Variants in CARD10 observed in about 807,000 individuals in gnomAD.
CARD10 encodes the protein caspase recruitment domain-containing protein 10.
A neutral mutation model predicts 114.6 loss-of-function variants in CARD10; 49 were observed. The observed-to-expected ratio is 0.43, with a 90% CI of 0.34 to 0.54. The LOEUF (loss-of-function observed/expected upper bound fraction) is 0.54, where lower values mean the gene tolerates loss of function less well. CARD10 is among the 20% of genes least tolerant of loss of function. The pLI is 0.03. For synonymous variants in CARD10, 602 were observed against 593.2 expected (o/e 1.01, Z -0.21); for missense variants, 1,206 against 1,397.2 (o/e 0.86, Z 2.18).
In CARD10 at chr22:37,494,155, C is replaced by T; in HGVS notation, c.2407G>A (p.Val803Met). Residue 803 changes from valine to methionine, a missense_variant, in exon 16 of 20, where the codon GTG becomes ATG. By Grantham distance (21) the Val-to-Met change is conservative. Coordinates refer to ENST00000251973, the MANE Select transcript of CARD10 (RefSeq NM_014550.4). ...GGCGCCCCCACGGGCTTGGGCCTCA[C>T]CAGCCGCAGCTGGTCCAGGGCTCTC... The part of the protein sequence containing the change: ...KKRALDQLRL[V>M]RPKPVGAPAG... 1.3e-6 allele frequency: 2 copies of T among 1,557,072 alleles called. No individual in the cohort carries two copies. Among genetic ancestry groups the T allele is most frequent in the Non-Finnish European group, 1.7e-6 (2 of 1,150,540 alleles).
chr22:37,495,167 C>T (rs374285766), intron 15 of CARD10, among the ~76,000 whole-genome samples: 1 of 152,136 alleles, frequency 6.6e-6, no homozygotes, highest in South Asian at 2.1e-4. Flanking sequence ...GGGGTTTCAC[C>T]GTGTTAGCCA....
At position 37,509,624 on chromosome 22, in the gene CARD10, G is replaced by GACCCTCCT. The variant is rs1479722510; in HGVS notation, c.909+587_909+588insAGGAGGGT. ...AGCCCTGGCCCTAGTACCTGCTGCA[G>GACCCTCCT]GCCCTCCTGACCTCCCCGCAGCCTG... On this transcript the variant is annotated intron_variant, in intron 4 of 19. Coordinates refer to ENST00000251973, the MANE Select transcript of CARD10 (RefSeq NM_014550.4). 6.0e-5 allele frequency among the ~76,000 whole-genome samples: 9 copies of GACCCTCCT among 149,102 alleles called. No individual in the cohort carries two copies. The South Asian group carries it at 6.3e-4, about 10-fold the overall frequency.
At position 37,510,417 on chromosome 22, in the gene CARD10, T is replaced by TC. The variant is rs778964746; in HGVS notation, c.703dup (p.Asp235GlyfsTer48). 11 of 1,613,410 alleles carry TC rather than the reference T, an allele frequency of 6.8e-6. No individual in the cohort carries two copies. Among genetic ancestry groups the TC allele is most frequent in the African/African-American group, 1.3e-5 (1 of 74,910 alleles). On this transcript the variant is annotated frameshift_variant, in exon 4 of 20. Coordinates refer to ENST00000251973, the MANE Select transcript of CARD10 (RefSeq NM_014550.4). LOFTEE classifies it high-confidence loss of function. ...CCGACTCACTTTGAGCTTGAGCTGATCCACCTGGAGCCCAAGACATGGGTC... is the reference window on the plus strand; with the variant it reads ...CCGACTCACTTTGAGCTTGAGCTGATCCCACCTGGAGCCCAAGACATGGGTC...
Position 37,496,465 on chromosome 22 carries a change from G to T in CARD10, c.2043C>A (p.Ser681=). 6.2e-7 allele frequency: 1 copy of T among 1,612,988 alleles called. No individual in the cohort carries two copies. The stretch of plus-strand genomic sequence containing the variant: ...CAGACTTACCCTTCGAGTCCATCAG[G>T]GAGGGGAGTGTGGACCCCTGATTCC... ...LLWNQGSTLP[S]LMDSKACQSF... is the part of the protein sequence containing the mutation. The change falls in exon 13 of 20, where the codon TCC becomes TCA. Residue 681 remains serine (S), a synonymous_variant. Transcript: ENST00000251973. This position sits in a 1 kb window ranked among gnomAD's most constrained non-coding sequence, Gnocchi z 4.1.
At position 37,491,411 on chromosome 22, in the gene CARD10, A is replaced by G; in HGVS notation, c.2865-18T>C. On this transcript the variant is annotated intron_variant, in intron 19 of 19. Coordinates refer to ENST00000251973, the MANE Select transcript of CARD10 (RefSeq NM_014550.4). ...GCAGACCCCTGCCGAGAGAAGAGTG[A>G]GCAGCGGTCAAAGTGGGGGACCAAG... The G allele has an allele frequency of 6.9e-7, 1 of 1,452,706 alleles. No homozygotes were observed. The highest frequency in any genetic ancestry group is 9.1e-7 in the Non-Finnish European group (1 of 1,101,652). 90.0% of individuals were successfully genotyped at this position (1,452,706 alleles called of 1,614,324 possible). A position where few individuals can be genotyped will look rare whatever the true frequency, so the allele number is the denominator to read the frequency against.
chr22:37,492,738 G>A lies in CARD10; in HGVS notation c.2541C>T (p.Pro847=), dbSNP rs372431956. Residue 847 remains proline (P), a synonymous_variant, in exon 17 of 20, where the codon CCC becomes CCT. Transcript: ENST00000251973. The surrounding 1 kb of genome is among the most constrained non-coding windows in gnomAD (Gnocchi z 5.7). ...CCAGGCACTCAGGCAACAGCACCAC[G>A]GGCCGCAGGGCAGACACCAGTAGCG... is the stretch of plus-strand genomic sequence containing the variant. ...VRPLLVSALR[P]VVLLPECLAP... is the part of the protein sequence containing the mutation. 2.8e-5 allele frequency: 45 copies of A among 1,612,898 alleles called. 1 individual carries two copies. The Middle Eastern group carries it at 4.9e-4, about 18-fold the overall frequency.
At chr22:37,518,897 C>T (rs1264445695) in intron 1 of CARD10, 69 bp downstream of exon 1, 6 of 1,448,484 alleles carry the variant, frequency 4.1e-6, no homozygotes, top group Non-Finnish European at 4.6e-6. Flanking sequence ...TCGCGCTACA[C>T]GGCTGTGGGC....
Position 37,496,145 on chromosome 22 carries a change from T to A in CARD10, c.2060-142A>T. ...CGACCTTCACCTTCTTAGAATGACTTAGGTCCAGAGGGGGCAGGGACTTGC... is the reference window on the plus strand; with the variant it reads ...CGACCTTCACCTTCTTAGAATGACTAAGGTCCAGAGGGGGCAGGGACTTGC... On this transcript the variant is annotated intron_variant, in intron 13 of 19. Transcript: ENST00000251973. The surrounding 1 kb of genome is among the most constrained non-coding windows in gnomAD (Gnocchi z 4.1). 1 of 1,128,700 alleles carries A rather than the reference T, an allele frequency of 8.9e-7. No homozygotes were observed. Among genetic ancestry groups the A allele is most frequent in the Non-Finnish European group, 1.2e-6 (1 of 810,002 alleles). The allele number at this position is 1,128,700 out of a possible 1,614,324, so 69.9% of individuals were successfully genotyped here.
intron 3 of CARD10, among the ~76,000 whole-genome samples, chr22:37,513,267 C>G (rs111775049): frequency 3.9e-5 from 6 of 151,962 alleles, no homozygotes; most frequent in Admixed American, 3.9e-4. Context: ...CATGCCACCA[C>G]GCCCGGCTAA....
Position 37,507,897 on chromosome 22 carries a change from C to G in CARD10, c.1123G>C (p.Asp375His), listed in dbSNP as rs1263599676. ...LKHRTLQKDC[D>H]LYKHRMATVL... ...GTGGCCATGCGGTGCTTGTACAGGT[C>G]ACAGTCCTTCTGCAGCGTGCGGTGC... Residue 375 changes from aspartate (D) to histidine (H), a missense_variant, in exon 6 of 20, where the codon GAC (aspartate) becomes CAC (histidine). This residue lies in a region of CARD10 where 1,068 missense variants were observed against 1,179.1 expected (regional missense o/e 0.91). Coordinates refer to ENST00000251973, the MANE Select transcript of CARD10 (RefSeq NM_014550.4). The G allele has an allele frequency of 6.2e-7, 1 of 1,614,156 alleles. No individual in the cohort carries two copies. The highest frequency in any genetic ancestry group is 1.3e-5 in the African/African-American group (1 of 75,044).
Position 37,491,066 on chromosome 22 carries a change from G to T in CARD10, c.*93C>A. ...GGGCCCTGCATCTGAGAGTCCAAGG[G>T]TCTAGGAAGGCTCAGGGTGGGAGGG... On this transcript the variant is annotated 3_prime_UTR_variant, in exon 20 of 20. Coordinates refer to ENST00000251973, the MANE Select transcript of CARD10 (RefSeq NM_014550.4). 9.8e-7 allele frequency: 1 copy of T among 1,021,240 alleles called. No homozygotes were observed. Among genetic ancestry groups the T allele is most frequent in the Non-Finnish European group, 1.5e-6 (1 of 687,632 alleles). 63.3% of individuals were successfully genotyped at this position (1,021,240 alleles called of 1,614,324 possible). A position where few individuals can be genotyped will look rare whatever the true frequency, so the allele number is the denominator to read the frequency against.
At chr22:37,498,394 G>A (rs951154215) in intron 11 of CARD10, among the ~76,000 whole-genome samples, 1 of 152,220 alleles carries the variant, frequency 6.6e-6, no homozygotes, top group Non-Finnish European at 1.5e-5. Context: ...AGAGACAAAT[G>A]GACCCCAAGT....
At chr22:37,504,083 C>A in intron 9 of CARD10, 103 bp downstream of exon 9, 2 of 836,726 alleles carry the variant, frequency 2.4e-6, no homozygotes, top group Non-Finnish European at 4.0e-6. Flanking sequence ...AGGGAAGTGA[C>A]TGCCTGGACC....
At position 37,495,483 on chromosome 22, in the gene CARD10, G is replaced by A. The variant is rs201861558; in HGVS notation, c.2373+34C>T. 82 of 1,575,766 alleles carry A rather than the reference G, an allele frequency of 5.2e-5. No homozygotes were observed. The East Asian group carries it at 8.7e-4, about 17-fold the overall frequency. Reference sequence around the variant, plus strand: ...CTCCCTTTTGGACCCCACCCTTGGGGCCCCCCACCCACTACCTGCCCAGCC... The same window carrying A: ...CTCCCTTTTGGACCCCACCCTTGGGACCCCCCACCCACTACCTGCCCAGCC... On this transcript the variant is annotated intron_variant, in intron 15 of 19. Coordinates refer to ENST00000251973, the MANE Select transcript of CARD10 (RefSeq NM_014550.4).
At chr22:37,497,659 C>T (rs534158166) in intron 11 of CARD10, among the ~76,000 whole-genome samples, 6 of 152,096 alleles carry the variant, frequency 3.9e-5, no homozygotes, top group Non-Finnish European at 5.9e-5. Flanking sequence ...GTCAGGAGTT[C>T]GAGACCAGCC....
rs1156325442 is a variant in CARD10 at position 37,509,372 on chromosome 22, T to C, written c.910-690A>G. Among the ~76,000 whole-genome samples the C allele has an allele frequency of 2.6e-5, 4 of 152,196 alleles. No individual in the cohort carries two copies. The East Asian group carries it at 7.7e-4, about 29-fold the overall frequency. On this transcript the variant is annotated intron_variant, in intron 4 of 19. Transcript: ENST00000251973. ...AATCAGGGGGGCAGTTTTAGGGAGT[T>C]TGAGGACCTTCTGGAGGCTGCTCAC...
intron 4 of CARD10, among the ~76,000 whole-genome samples, chr22:37,509,642 G>A (rs760722): frequency 4.9e-4 from 57 of 116,288 alleles, no homozygotes; most frequent in African/African-American, 1.4e-3. Flanking sequence ...TGACCTCCCC[G>A]CAGCCTGTGC....
chr22:37,517,846 C>T (rs1923893446), intron 2 of CARD10, 125 bp downstream of exon 2: 1 of 1,287,882 alleles, frequency 7.8e-7, no homozygotes, highest in Non-Finnish European at 1.0e-6. Context: ...CCCCTTCAGC[C>T]TCTCCATGCC....
At chr22:37,494,005 C>T (rs1922900089) in intron 16 of CARD10, 81 bp downstream of exon 16, 1 of 1,097,444 alleles carries the variant, frequency 9.1e-7, no homozygotes, top group Non-Finnish European at 1.4e-6. Flanking sequence ...AAGAGGCCAC[C>T]CAAGCTAAAG....
Sources: allele counts gnomAD v4.1 joint callset (sites outside exome capture counted in the v4.1 genomes callset), GRCh38; gene constraint gnomAD v4.1.1; regional missense constraint gnomAD v4.1.1; non-coding constraint Gnocchi (gnomAD v3.1); transcripts MANE v1.5; gene names NCBI Gene and HGNC (gene_info 2026-07-23, HGNC 2026-07-21).